The following RYR2 variants were observed in gnomAD, a reference collection of about 807,000 sequenced individuals.
RYR2 encodes ryanodine receptor 2.
In RYR2, 227 loss-of-function variants were observed where a neutral mutation model predicts 601.1. The ratio of observed to expected loss-of-function variants is 0.38; its 90% confidence interval spans 0.34 to 0.42. The LOEUF (loss-of-function observed/expected upper bound fraction) is 0.42. Ranked by LOEUF, RYR2 falls within the 10% of genes least tolerant of loss-of-function variation. RYR2 has a pLI of 1.00. For synonymous variants in RYR2, 2,223 were observed against 2,175.1 expected (o/e 1.02, Z -0.61); for missense variants, 4,646 against 6,156.5 (o/e 0.75, Z 8.21).
intron 10 of RYR2, among the ~76,000 whole-genome samples, chr1:237,395,847 G>A (rs1287499189): frequency 6.6e-6 from 1 of 151,938 alleles, no homozygotes; most frequent in Non-Finnish European, 1.5e-5. Flanking sequence ...CGCCCAGCCA[G>A]GACTATCTTT....
At chr1:237,245,589 G>A (rs183283908) in intron 1 of RYR2, among the ~76,000 whole-genome samples, 5 of 152,244 alleles carry the variant, frequency 3.3e-5, no homozygotes, top group East Asian at 1.9e-4. Flanking sequence ...GTTGTCAACC[G>A]TGTATCAAGG....
At chr1:237,736,626 CT>C (rs1691174478) in intron 79 of RYR2, among the ~76,000 whole-genome samples, 2 of 151,948 alleles carry the variant, frequency 1.3e-5, no homozygotes, top group Non-Finnish European at 2.9e-5. Flanking sequence ...TTGATGAAGT[CT>C]ATAAAGGAAG....
At chr1:237,088,247 T>C (rs1666574040) in intron 1 of RYR2, among the ~76,000 whole-genome samples, 1 of 152,186 alleles carries the variant, frequency 6.6e-6, no homozygotes, top group South Asian at 2.1e-4. Context: ...TGGCAACCCT[T>C]GGTACGTGTG....
At chr1:237,533,432 C>T (rs887435393) in intron 25 of RYR2, among the ~76,000 whole-genome samples, 2 of 152,054 alleles carry the variant, frequency 1.3e-5, no homozygotes, top group Non-Finnish European at 2.9e-5. Context: ...AGACAGTTCG[C>T]ACCGACGAGC....
intron 1 of RYR2, among the ~76,000 whole-genome samples, chr1:237,091,271 G>T (rs1174744797): frequency 6.6e-6 from 1 of 152,148 alleles, no homozygotes; most frequent in Non-Finnish European, 1.5e-5. Flanking sequence ...GTTGTTTCAG[G>T]ATTCTGACTG....
At chr1:237,645,476 A>G (rs1017894684) in intron 48 of RYR2, among the ~76,000 whole-genome samples, 1 of 152,204 alleles carries the variant, frequency 6.6e-6, no homozygotes, top group Non-Finnish European at 1.5e-5. Flanking sequence ...CACAAAATAG[A>G]CACTATCAGG....
At chr1:237,801,807 T>G in intron 97 of RYR2, 49 bp from the exon 98 acceptor site, 2 of 1,218,104 alleles carry the variant, frequency 1.6e-6, no homozygotes, top group Non-Finnish European at 2.4e-6. Context: ...AGCCTATGAG[T>G]CTTTGGTTAA....
chr1:237,657,810 C>A (rs1683398979), intron 53 of RYR2, 134 bp from the exon 54 acceptor site: 2 of 518,352 alleles, frequency 3.9e-6, no homozygotes, highest in Non-Finnish European at 6.9e-6. Flanking sequence ...AAATGTAATT[C>A]TAAAAAAAGA....
intron 80 of RYR2, among the ~76,000 whole-genome samples, chr1:237,750,097 G>A (rs1692418415): frequency 6.6e-6 from 1 of 152,122 alleles, no homozygotes; most frequent in Non-Finnish European, 1.5e-5. Flanking sequence ...AGTGAGCCAA[G>A]ATTACACCAT....
chr1:237,742,328 A>G lies in RYR2; in HGVS notation c.11124A>G (p.Glu3708=). 1.9e-6 allele frequency: 3 copies of G among 1,569,958 alleles called. No homozygotes were observed. Among genetic ancestry groups the G allele is most frequent in the South Asian group, 2.3e-5 (2 of 85,596 alleles). ...ATGATGAGGAAGATGACGATGGTGA[A>G]GAGGAAGTGAAGAGTTTTGAAGTAA... ...SCHDEEDDDG[E]EEVKSFEEKE... Residue 3708 remains glutamate (E), a synonymous_variant, in exon 80 of 105, where the codon GAA becomes GAG. Transcript: ENST00000366574.
rs981948699 is a variant in RYR2, at chr1:237,484,831, C to T, written c.1709-6975C>T. ...TACAAAAAACATGATAAGGAATATTCTCTACCCATCACAGCACTTGGCCAC... is the reference window on the plus strand; with the variant it reads ...TACAAAAAACATGATAAGGAATATTTTCTACCCATCACAGCACTTGGCCAC... On this transcript the variant is annotated intron_variant, in intron 17 of 104. Transcript: ENST00000366574. Among the ~76,000 whole-genome samples the T allele has an allele frequency of 2.0e-5, 3 of 152,268 alleles. No individual in the cohort carries two copies. The East Asian group carries it at 5.8e-4, about 29-fold the overall frequency.
intron 2 of RYR2, among the ~76,000 whole-genome samples, chr1:237,290,870 G>T (rs1692116899): frequency 6.6e-6 from 1 of 152,162 alleles, no homozygotes; most frequent in Non-Finnish European, 1.5e-5. Context: ...AACTCAGATG[G>T]CTTCCAAATA....
intron 1 of RYR2, among the ~76,000 whole-genome samples, chr1:237,208,008 C>T (rs796831101): frequency 7.2e-5 from 11 of 152,266 alleles, no homozygotes; most frequent in African/African-American, 2.2e-4. Flanking sequence ...CAGGTGAGGC[C>T]CACACAGCTT....
At chr1:237,246,623 A>G (rs778545735) in intron 1 of RYR2, among the ~76,000 whole-genome samples, 2 of 151,974 alleles carry the variant, frequency 1.3e-5, no homozygotes, top group Non-Finnish European at 2.9e-5. Flanking sequence ...TTTTTTAGAG[A>G]GGTATATTCT....
chr1:237,576,957 A>G (rs895845494), intron 29 of RYR2, among the ~76,000 whole-genome samples: 2 of 152,174 alleles, frequency 1.3e-5, no homozygotes, highest in Non-Finnish European at 2.9e-5. Flanking sequence ...AGACCTGACA[A>G]TACTCAGCAT....
At position 237,081,306 on chromosome 1, in the gene RYR2, AAGTC is replaced by A. The variant is rs1330372999; in HGVS notation, c.48+38739_48+38742del. 3.3e-5 allele frequency among the ~76,000 whole-genome samples: 5 copies of A among 149,802 alleles called. No individual in the cohort carries two copies. The South Asian group carries it at 6.3e-4, about 19-fold the overall frequency. On this transcript the variant is annotated intron_variant, in intron 1 of 104. Coordinates refer to ENST00000366574, the MANE Select transcript of RYR2 (RefSeq NM_001035.3). ...AAAAAAAAAAAAAAAAAAAAAAAGA[AAGTC>A]AACAAAGGTCTGAGCTACGGACTCG...
rs550753333 is a variant in RYR2 at position 237,761,119 on chromosome 1, G to A, written c.11476+91G>A. ...AATTACCTTTCAAGTAGAGAGATAA[G>A]AAGTTATTTTAAAGTTGATGAAATG... On this transcript the variant is annotated intron_variant, in intron 84 of 104. Coordinates refer to ENST00000366574, the MANE Select transcript of RYR2 (RefSeq NM_001035.3). 55 of 773,328 alleles carry A rather than the reference G, an allele frequency of 7.1e-5. No individual in the cohort carries two copies. The East Asian group carries it at 1.5e-3, about 21-fold the overall frequency. The allele number at this position is 773,328 out of a possible 1,614,324, so 47.9% of individuals were successfully genotyped here. A position where few individuals can be genotyped will look rare whatever the true frequency, so the allele number is the denominator to read the frequency against.
chr1:237,831,169 T>C (rs1221168059), intron 103 of RYR2, among the ~76,000 whole-genome samples: 1 of 152,050 alleles, frequency 6.6e-6, no homozygotes, highest in Non-Finnish European at 1.5e-5. Context: ...CGAGTAGCAT[T>C]ATAGGGAAAA....
chr1:237,123,811 G>T (rs1671096459), intron 1 of RYR2, among the ~76,000 whole-genome samples: 1 of 151,852 alleles, frequency 6.6e-6, no homozygotes, highest in Admixed American at 6.6e-5. Flanking sequence ...GGGACTACAG[G>T]TGCCCGCCAC....
Sources: gnomAD v4.1 joint callset for allele counts (sites outside exome capture counted in the v4.1 genomes callset) on GRCh38, gnomAD v4.1.1 for gene constraint, MANE v1.5 for transcripts, NCBI Gene and HGNC (gene_info 2026-07-23, HGNC 2026-07-21) for gene names.